The following TMEM131 variants were observed in gnomAD, a reference collection of about 807,000 sequenced individuals.
The protein encoded by TMEM131 is transmembrane protein 131.
In TMEM131, 66 loss-of-function variants were observed where a neutral mutation model predicts 211.6. The observed-to-expected ratio is 0.31, with a 90% CI of 0.26 to 0.38. The LOEUF (loss-of-function observed/expected upper bound fraction) is 0.38. Among genes scored for constraint, TMEM131 ranks in the 10% least tolerant of loss-of-function variants. TMEM131 has a pLI of 1.00. For synonymous variants in TMEM131, 844 were observed against 841.3 expected (o/e 1.00, Z -0.06); for missense variants, 2,036 against 2,299.3 (o/e 0.89, Z 2.34).
rs1216707542 is a variant in TMEM131, at chr2:97,792,670, T to C, written c.3860A>G (p.Gln1287Arg). 1 of 1,614,052 alleles carries C rather than the reference T, an allele frequency of 6.2e-7. No homozygotes were observed. Among genetic ancestry groups the C allele is most frequent in the South Asian group, 1.1e-5 (1 of 91,086 alleles). ...GTGGGCATGGTGCTGGCTGCCGTGCTGGCTCTGCTTTGCCCCTTTGGACTT... is the reference window on the plus strand; with the variant it reads ...GTGGGCATGGTGCTGGCTGCCGTGCCGGCTCTGCTTTGCCCCTTTGGACTT... ...GRKSKGAKQS[Q>R]HGSQHHAHSP... Residue 1287 changes from glutamine to arginine, a missense_variant, in exon 31 of 41, where the codon CAG (glutamine) becomes CGG (arginine). Around this residue, in one of 3 missense-constraint regions of TMEM131, gnomAD observed 1,623 missense variants for 1,805.9 expected, o/e 0.90. Transcript: ENST00000186436.
chr2:97,757,184 T>C lies in TMEM131; in HGVS notation c.5567A>G (p.Tyr1856Cys). 6.2e-7 allele frequency: 1 copy of C among 1,613,974 alleles called. No homozygotes were observed. The highest frequency in any genetic ancestry group is 8.5e-7 in the Non-Finnish European group (1 of 1,179,882). Residue 1856 changes from tyrosine (Y) to cysteine (C), a missense_variant, in exon 41 of 41, where the codon TAC becomes TGC. By Grantham distance (194) the Tyr-to-Cys change is radical (BLOSUM62 -2). This residue lies in a region of TMEM131 where 1,623 missense variants were observed against 1,805.9 expected (regional missense o/e 0.90). Transcript: ENST00000186436. ...SSPADDLGQT[Y>C]NPWRIWSPTI... Reference sequence around the variant, plus strand: ...GGGGCTCCATATCCGCCACGGGTTGTAGGTCTGTCCCAAGTCGTCAGCTGG... The same window carrying C: ...GGGGCTCCATATCCGCCACGGGTTGCAGGTCTGTCCCAAGTCGTCAGCTGG...
Position 97,757,266 on chromosome 2 carries a change from T to C in TMEM131, c.5485A>G (p.Ile1829Val), listed in dbSNP as rs1393637842. Residue 1829 changes from isoleucine to valine, a missense_variant, in exon 41 of 41, where the codon ATC (isoleucine) becomes GTC (valine). This residue lies in a region of TMEM131 where 1,623 missense variants were observed against 1,805.9 expected (regional missense o/e 0.90). Transcript: ENST00000186436. ...FTTPANTLAS[I>V]GLMGTENSPA... ...GAGTTTTCTGTGCCCATGAGGCCGA[T>C]GCTTGCCAGCGTGTTTGCTGGAGTG... 10 of 1,613,814 alleles carry C rather than the reference T, an allele frequency of 6.2e-6. No individual in the cohort carries two copies. The highest frequency in any genetic ancestry group is 1.7e-5 in the Admixed American group (1 of 60,002).
Position 97,758,004 on chromosome 2 carries a change from C to T in TMEM131, c.5368-621G>A, listed in dbSNP as rs773025158. On this transcript the variant is annotated intron_variant, in intron 40 of 40. Coordinates refer to ENST00000186436, the MANE Select transcript of TMEM131 (RefSeq NM_015348.2). ...AAAATTAGCCGGGTGTGGTGGTGGG[C>T]GCCTCTAGTCCCAGCTACTCAGGAG... Among the ~76,000 whole-genome samples, 11 of 151,980 alleles carry T rather than the reference C, an allele frequency of 7.2e-5. 1 individual carries two copies. The highest frequency in any genetic ancestry group is 4.1e-4 in the South Asian group (2 of 4,824).
At chr2:97,820,277 T>C (rs1199457667) in intron 11 of TMEM131, among the ~76,000 whole-genome samples, 1 of 152,264 alleles carries the variant, frequency 6.6e-6, no homozygotes, top group Admixed American at 6.5e-5. Flanking sequence ...TTTGCTGTTA[T>C]TAGCGACATT....
At chr2:97,761,087 CAG>C in intron 36 of TMEM131, 173 bp from the exon 37 acceptor site, 1 of 760,776 alleles carries the variant, frequency 1.3e-6, no homozygotes, top group Non-Finnish European at 2.1e-6. Context: ...CTTAATCAGA[CAG>C]AGATAGAGGG....
At position 97,792,720 on chromosome 2, in the gene TMEM131, C is replaced by T. The variant is rs1170600100; in HGVS notation, c.3810G>A (p.Val1270=). ...TSPLVLDSNT[V]TQGHTAGRKS... ...TTCTGCCCGCTGTATGACCTTGAGT[C>T]ACTGTGTTCGAATCTAAGACAAGGG... is the stretch of plus-strand genomic sequence containing the variant. The change falls in exon 31 of 41, where the codon GTG becomes GTA. Residue 1270 remains valine (V), a synonymous_variant. Coordinates refer to ENST00000186436, the MANE Select transcript of TMEM131 (RefSeq NM_015348.2). 6.2e-7 allele frequency: 1 copy of T among 1,614,014 alleles called. No homozygotes were observed. Among genetic ancestry groups the T allele is most frequent in the Admixed American group, 1.7e-5 (1 of 60,032 alleles).
chr2:97,970,359 G>A (rs1679244248), intron 1 of TMEM131, among the ~76,000 whole-genome samples: 1 of 152,124 alleles, frequency 6.6e-6, no homozygotes, highest in African/African-American at 2.4e-5. Flanking sequence ...GAGGTAAATA[G>A]AGACATAGGC....
chr2:97,850,422 AG>A (rs1285740973), intron 5 of TMEM131, among the ~76,000 whole-genome samples: 1 of 152,124 alleles, frequency 6.6e-6, no homozygotes, highest in African/African-American at 2.4e-5. Flanking sequence ...AATACATACC[AG>A]TGGTCTAAAA....
intron 4 of TMEM131, among the ~76,000 whole-genome samples, chr2:97,859,777 A>G (rs1294797735): frequency 1.3e-5 from 2 of 152,178 alleles, no homozygotes; most frequent in Non-Finnish European, 2.9e-5. Context: ...CCTCTTCTCA[A>G]ATTCCACAGA....
intron 26 of TMEM131, 90 bp downstream of exon 26, chr2:97,797,275 A>T: frequency 8.0e-7 from 1 of 1,247,340 alleles, no homozygotes; most frequent in Non-Finnish European, 1.1e-6. Context: ...AAACTATTTC[A>T]TAAGTTAGAC....
Position 97,802,541 on chromosome 2 carries a change from A to C in TMEM131, c.2542-4T>G. Reference sequence around the variant, plus strand: ...TTTCTAAAGTAATCTCTTCTTCCTTAAACAAAATAATGAAACATTAAATGA... The same window carrying C: ...TTTCTAAAGTAATCTCTTCTTCCTTCAACAAAATAATGAAACATTAAATGA... On this transcript the variant is annotated splice_polypyrimidine_tract_variant and splice_region_variant and intron_variant, in intron 23 of 40. Transcript: ENST00000186436. 1.2e-6 allele frequency: 2 copies of C among 1,606,856 alleles called. No homozygotes were observed. Among genetic ancestry groups the C allele is most frequent in the Non-Finnish European group, 1.7e-6 (2 of 1,177,278 alleles).
At chr2:97,929,107 G>A (rs923724079) in intron 1 of TMEM131, among the ~76,000 whole-genome samples, 8 of 151,528 alleles carry the variant, frequency 5.3e-5, no homozygotes, top group South Asian at 2.1e-4. Flanking sequence ...AGCAATGGCC[G>A]ATTTGAGGAC....
chr2:97,943,908 C>T (rs1677914090), intron 1 of TMEM131, among the ~76,000 whole-genome samples: 1 of 151,974 alleles, frequency 6.6e-6, no homozygotes, highest in Non-Finnish European at 1.5e-5. Flanking sequence ...ATGCTGAAAC[C>T]CCATCTCTAC....
At chr2:97,856,922 G>T (rs1673873266) in intron 5 of TMEM131, among the ~76,000 whole-genome samples, 1 of 152,146 alleles carries the variant, frequency 6.6e-6, no homozygotes. Context: ...GATTTTGATA[G>T]GTGTAATTAT....
At chr2:97,923,629 A>T (rs969101451) in intron 2 of TMEM131, among the ~76,000 whole-genome samples, 304 of 19,454 alleles carry the variant, frequency 0.016, no homozygotes, top group African/African-American at 0.062. Context: ...CTTTTTTTTT[A>T]AAAAAAAAAA....
intron 3 of TMEM131, among the ~76,000 whole-genome samples, chr2:97,899,358 A>G (rs1280982947): frequency 6.6e-6 from 1 of 152,184 alleles, no homozygotes; most frequent in Non-Finnish European, 1.5e-5. Flanking sequence ...TAGGACTAAT[A>G]TCTCCAATAT....
At position 97,760,876 on chromosome 2, in the gene TMEM131, T is replaced by G. The variant is rs1678803608; in HGVS notation, c.4928A>C (p.Lys1643Thr). ...KIKQPNGSKHKLTKAASLPGK... is the reference protein window; with the variant it reads ...KIKQPNGSKHTLTKAASLPGK... ...CGGGAGCGAGGCTGCCTTTGTCAACTTGTGTTTGCTTCCATTTGGCTGTTT... is the reference window on the plus strand; with the variant it reads ...CGGGAGCGAGGCTGCCTTTGTCAACGTGTGTTTGCTTCCATTTGGCTGTTT... Residue 1643 changes from lysine (K) to threonine (T), a missense_variant, in exon 37 of 41, where the codon AAG (lysine) becomes ACG (threonine). This residue lies in a region of TMEM131 where 1,623 missense variants were observed against 1,805.9 expected (regional missense o/e 0.90). Transcript: ENST00000186436. 1 of 1,613,902 alleles carries G rather than the reference T, an allele frequency of 6.2e-7. No homozygotes were observed. The highest frequency in any genetic ancestry group is 1.7e-5 in the Admixed American group (1 of 60,010).
intron 1 of TMEM131, among the ~76,000 whole-genome samples, chr2:97,938,801 A>G (rs917881288): frequency 2.0e-5 from 3 of 152,232 alleles, no homozygotes; most frequent in Non-Finnish European, 2.9e-5. Context: ...CGGCAAATGT[A>G]AAAGAATAGA....
At chr2:97,797,797 C>A (rs1321905640) in intron 25 of TMEM131, among the ~76,000 whole-genome samples, 1 of 152,226 alleles carries the variant, frequency 6.6e-6, no homozygotes, top group Non-Finnish European at 1.5e-5. Context: ...GGATACATAT[C>A]TTTTTTGTTT....
Sources: allele counts gnomAD v4.1 joint callset (sites outside exome capture counted in the v4.1 genomes callset), GRCh38; gene constraint gnomAD v4.1.1; regional missense constraint gnomAD v4.1.1; transcripts MANE v1.5; gene names NCBI Gene and HGNC (gene_info 2026-07-23, HGNC 2026-07-21).